TMEM218: variants seen among roughly 807,000 people sequenced by gnomAD.
TMEM218 encodes transmembrane protein 218.
Under a neutral mutation model 10.0 loss-of-function variants are expected in TMEM218, and 8 were observed. The ratio of observed to expected loss-of-function variants is 0.80; its 90% CI spans 0.47 to 1.44. The LOEUF (loss-of-function observed/expected upper bound fraction) is 1.44, where lower values mean the gene tolerates loss of function less well. Ranked by LOEUF, TMEM218 falls within the 40% of genes most tolerant of loss-of-function variation. The pLI is 0.00. For missense variants in TMEM218, 110 were observed against 140.1 expected (o/e 0.79, Z 1.08); for synonymous variants, 66 against 63.5 (o/e 1.04, Z -0.18).
rs964789236 is a variant in TMEM218 at position 125,096,919 on chromosome 11, T to C, written c.*687A>G. The C allele has an allele frequency of 1.3e-5, 2 of 152,124 alleles. No individual in the cohort carries two copies. Among genetic ancestry groups the C allele is most frequent in the Non-Finnish European group, 2.9e-5 (2 of 68,020 alleles). The allele number at this position is 152,124 out of a possible 1,614,324, so 9.4% of individuals were successfully genotyped here. On this transcript the variant is annotated 3_prime_UTR_variant, in exon 5 of 5. Transcript: ENST00000682305. ...TGGAAGAAAAAAACCTACAGATACA[T>C]GGCAAGACAAAAAACAAAAAACAAT...
At chr11:125,109,870 T>G (rs562430589) in intron 1 of TMEM218, among the ~76,000 whole-genome samples, 13 of 152,258 alleles carry the variant, frequency 8.5e-5, no homozygotes, top group Admixed American at 3.3e-4. Context: ...CAAATGGTAG[T>G]TGAAGCTGGC....
chr11:125,106,185 TAA>T (rs1022800995), intron 1 of TMEM218, among the ~76,000 whole-genome samples: 7 of 152,258 alleles, frequency 4.6e-5, no homozygotes, highest in Admixed American at 4.6e-4. Context: ...TCTGCACTCT[TAA>T]AAATGGTTAA....
rs1949704317 is a variant in TMEM218 at position 125,096,819 on chromosome 11, A to G, written c.*787T>C. On this transcript the variant is annotated 3_prime_UTR_variant, in exon 5 of 5. Coordinates refer to ENST00000682305, the MANE Select transcript of TMEM218 (RefSeq NM_001258244.2). ...CCTCACTAGCTTTGGAGAAAGGGCT[A>G]CAAAGATGAAAAGTGAAGACACCCC... The G allele has an allele frequency of 6.6e-6, 1 of 152,252 alleles. No homozygotes were observed. Among genetic ancestry groups the G allele is most frequent in the Non-Finnish European group, 1.5e-5 (1 of 68,058 alleles). The allele number at this position is 152,252 out of a possible 1,614,324, so 9.4% of individuals were successfully genotyped here.
chr11:125,098,001 T>G (rs1949939527), intron 4 of TMEM218, among the ~76,000 whole-genome samples: 1 of 152,244 alleles, frequency 6.6e-6, no homozygotes, highest in Non-Finnish European at 1.5e-5. Context: ...AGTCCCTGGA[T>G]GAATTCTTTT....
intron 1 of TMEM218, among the ~76,000 whole-genome samples, chr11:125,111,034 A>G (rs1255166135): frequency 6.6e-6 from 1 of 152,200 alleles, no homozygotes; most frequent in Non-Finnish European, 1.5e-5. Context: ...TAACACGTTG[A>G]TAGAAAAAGG....
At chr11:125,110,312 G>A (rs957952404) in intron 1 of TMEM218, among the ~76,000 whole-genome samples, 2 of 152,186 alleles carry the variant, frequency 1.3e-5, no homozygotes, top group African/African-American at 4.8e-5. Context: ...GGCATTTAAA[G>A]CAGGTAGACT....
At chr11:125,100,760 C>A (rs1266665563) in intron 4 of TMEM218, among the ~76,000 whole-genome samples, 5 of 152,178 alleles carry the variant, frequency 3.3e-5, no homozygotes, top group Non-Finnish European at 5.9e-5. Flanking sequence ...AGAAGCATGT[C>A]CTCAGCACCC....
Position 125,101,219 on chromosome 11 carries a change from G to T in TMEM218, c.195C>A (p.Ala65=). 6.2e-7 allele frequency: 1 copy of T among 1,613,518 alleles called. No individual in the cohort carries two copies. Among genetic ancestry groups the T allele is most frequent in the East Asian group, 2.2e-5 (1 of 44,882 alleles). Residue 65 remains alanine (A), a synonymous_variant, in exon 4 of 5, where the codon GCC becomes GCA. Transcript: ENST00000682305. ...LLFPRAGEFP[A]PEVEVKIVDD... is the part of the protein sequence containing the mutation. ...GCTTTACCTTAACTTCCACTTCTGG[G>T]GCTGGGAATTCACCAGCTCGCGGGA...
At chr11:125,109,510 T>C (rs1953159941) in intron 1 of TMEM218, among the ~76,000 whole-genome samples, 1 of 152,184 alleles carries the variant, frequency 6.6e-6, no homozygotes, top group Admixed American at 6.5e-5. Context: ...ATTAATCTGA[T>C]TGGTGGAACA....
intron 4 of TMEM218, 51 bp downstream of exon 4, chr11:125,101,150 A>T (rs1232704153): frequency 3.3e-6 from 5 of 1,498,622 alleles, no homozygotes; most frequent in Non-Finnish European, 3.7e-6. Flanking sequence ...GTGCAGACCA[A>T]GAGAAATAAG....
Position 125,108,779 on chromosome 11 carries a change from T to C in TMEM218, c.-153+2760A>G. The stretch of plus-strand genomic sequence containing the variant: ...CAAAAACCGGAGTTAGGCTCTACAC[T>C]CAGATAATTATAAATGAGTATCCTG... On this transcript the variant is annotated intron_variant, in intron 1 of 4. Coordinates refer to ENST00000682305, the MANE Select transcript of TMEM218 (RefSeq NM_001258244.2). The surrounding 1 kb of genome is among the most constrained non-coding windows in gnomAD (Gnocchi z 5.3). Among the ~76,000 whole-genome samples the C allele has an allele frequency of 6.6e-6, 1 of 152,142 alleles. No individual in the cohort carries two copies. Among genetic ancestry groups the C allele is most frequent in the East Asian group, 1.9e-4 (1 of 5,198 alleles).
At chr11:125,106,824 A>G (rs1952287646) in intron 1 of TMEM218, among the ~76,000 whole-genome samples, 1 of 152,196 alleles carries the variant, frequency 6.6e-6, no homozygotes, top group Non-Finnish European at 1.5e-5. Context: ...CAGCTCTTCT[A>G]TTCTTAGGTG....
intron 1 of TMEM218, among the ~76,000 whole-genome samples, chr11:125,106,492 A>G (rs76658888): frequency 0.036 from 5,478 of 152,326 alleles, 128 homozygotes; most frequent in South Asian, 0.057. Context: ...AGATTTTAAT[A>G]TATGTCTCAG....
chr11:125,102,427 A>G, intron 2 of TMEM218, 110 bp from the exon 3 acceptor site: 1 of 1,496,486 alleles, frequency 6.7e-7, no homozygotes, highest in Non-Finnish European at 8.8e-7. Context: ...TAATTTTCAG[A>G]AATGTCCAGT....
chr11:125,106,557 C>G (rs561688087), intron 1 of TMEM218, among the ~76,000 whole-genome samples: 2 of 152,222 alleles, frequency 1.3e-5, no homozygotes, highest in East Asian at 1.9e-4. Flanking sequence ...AAGAGGATAC[C>G]TGAATGAGAA....
Position 125,096,605 on chromosome 11 carries a change from A to G in TMEM218, c.*1001T>C, listed in dbSNP as rs974614973. On this transcript the variant is annotated 3_prime_UTR_variant, in exon 5 of 5. Coordinates refer to ENST00000682305, the MANE Select transcript of TMEM218 (RefSeq NM_001258244.2). ...GCATAGAGCACATACTCCATCAGTG[A>G]TCTCTTTCCAACTTGTTTTCTTGGT... 6.6e-6 allele frequency: 1 copy of G among 152,214 alleles called. No homozygotes were observed. Among genetic ancestry groups the G allele is most frequent in the African/African-American group, 2.4e-5 (1 of 41,454 alleles). 9.4% of individuals were successfully genotyped at this position (152,214 alleles called of 1,614,324 possible). A position where few individuals can be genotyped will look rare whatever the true frequency, so the allele number is the denominator to read the frequency against.
intron 3 of TMEM218, 66 bp from the exon 4 acceptor site, chr11:125,101,369 G>A (rs1310757836): frequency 3.9e-6 from 6 of 1,539,786 alleles, no homozygotes; most frequent in Non-Finnish European, 3.5e-6. Context: ...AGTTAGGTCT[G>A]GACAGTCTCT....
chr11:125,097,780 A>T (rs1405481968), intron 4 of TMEM218, 40 bp from the exon 5 acceptor site: 1 of 1,602,276 alleles, frequency 6.2e-7, no homozygotes, highest in Non-Finnish European at 8.5e-7. Context: ...ACTACCAGTT[A>T]GACACCCTGG....
At chr11:125,109,632 T>G (rs1167462080) in intron 1 of TMEM218, among the ~76,000 whole-genome samples, 1 of 152,228 alleles carries the variant, frequency 6.6e-6, no homozygotes, top group African/African-American at 2.4e-5. Flanking sequence ...GGTGACCAGT[T>G]AGGAAACTAT....
Sources: gnomAD v4.1 joint callset for allele counts (sites outside exome capture counted in the v4.1 genomes callset) on GRCh38, gnomAD v4.1.1 for gene constraint, Gnocchi (gnomAD v3.1) non-coding constraint, MANE v1.5 for transcripts, NCBI Gene and HGNC (gene_info 2026-07-23, HGNC 2026-07-21) for gene names.